Variants in RSPO2 observed in about 807,000 individuals in gnomAD.
RSPO2 encodes the protein R-spondin-2.
A neutral mutation model predicts 30.9 loss-of-function variants in RSPO2; 14 were observed. The ratio of observed to expected loss-of-function variants is 0.45; its 90% CI spans 0.30 to 0.71. The LOEUF (loss-of-function observed/expected upper bound fraction) is 0.71. RSPO2 is among the 30% of genes least tolerant of loss of function. The pLI, the probability that RSPO2 is intolerant of heterozygous loss-of-function variation, is 0.08. For synonymous variants in RSPO2, 107 were observed against 96.4 expected (o/e 1.11, Z -0.64); for missense variants, 264 against 301.9 (o/e 0.87, Z 0.93).
chr8:108,047,865 A>C (rs1811953125), intron 2 of RSPO2, among the ~76,000 whole-genome samples: 2 of 151,942 alleles, frequency 1.3e-5, no homozygotes. Context: ...AGAAAAAAAA[A>C]AAAAAGCAGC....
intron 2 of RSPO2, among the ~76,000 whole-genome samples, chr8:108,071,667 C>G (rs1297927210): frequency 6.6e-6 from 1 of 152,144 alleles, no homozygotes; most frequent in Non-Finnish European, 1.5e-5. Context: ...TATTCTCCCC[C>G]ACTTCCTCAT....
chr8:108,045,018 C>A (rs1811871344), intron 2 of RSPO2, among the ~76,000 whole-genome samples: 1 of 152,026 alleles, frequency 6.6e-6, no homozygotes, highest in African/African-American at 2.4e-5. Context: ...TCAGCCTTGG[C>A]AAAGAATTTA....
intron 2 of RSPO2, among the ~76,000 whole-genome samples, chr8:108,081,383 C>T (rs1257616772): frequency 6.6e-6 from 1 of 152,194 alleles, no homozygotes; most frequent in Non-Finnish European, 1.5e-5. Flanking sequence ...CATCACAGAT[C>T]GAGTGAGATG....
chr8:107,932,848 G>C (rs1279996613), intron 5 of RSPO2, among the ~76,000 whole-genome samples: 1 of 152,014 alleles, frequency 6.6e-6, no homozygotes, highest in Non-Finnish European at 1.5e-5. Flanking sequence ...TGGCCTGAGG[G>C]ATCAGCTGAA....
intron 3 of RSPO2, among the ~76,000 whole-genome samples, chr8:107,973,291 A>G (rs993686219): frequency 6.6e-6 from 1 of 151,614 alleles, no homozygotes; most frequent in South Asian, 2.1e-4. Context: ...TGGGGGGGGA[A>G]CTAGCCAAGG....
At chr8:107,944,264 A>G (rs750442135) in intron 5 of RSPO2, among the ~76,000 whole-genome samples, 1 of 152,216 alleles carries the variant, frequency 6.6e-6, no homozygotes, top group Non-Finnish European at 1.5e-5. Flanking sequence ...AGGAAAGATA[A>G]TAACTGCTGA....
rs1813242947 is a variant in RSPO2, at chr8:108,082,581, G to A, written c.58C>T (p.His20Tyr). Residue 20 changes from histidine to tyrosine, a missense_variant, in exon 2 of 6, where the codon CAC becomes TAC. His to Tyr is a moderately conservative substitution (Grantham distance 83). Coordinates refer to ENST00000276659, the MANE Select transcript of RSPO2 (RefSeq NM_178565.5). ...LIILNCMDYSHCQGNRWRRSK... is the reference protein window; with the variant it reads ...LIILNCMDYSYCQGNRWRRSK... The stretch of plus-strand genomic sequence containing the variant: ...CGTCTCCATCGGTTGCCTTGGCAGT[G>A]GCTGTAATCCATGCAGTTCAGAATG... The A allele has an allele frequency of 2.5e-6, 4 of 1,614,152 alleles. No homozygotes were observed. Among genetic ancestry groups the A allele is most frequent in the Non-Finnish European group, 3.4e-6 (4 of 1,180,002 alleles).
At chr8:107,983,421 C>A in intron 3 of RSPO2, 1 of 1,602,818 alleles carries the variant, frequency 6.2e-7, no homozygotes, top group South Asian at 1.1e-5. Context: ...AGGCATCTCA[C>A]AAACCCTCTG....
intron 5 of RSPO2, among the ~76,000 whole-genome samples, chr8:107,937,151 G>GT (rs149136012): frequency 0.053 from 5,700 of 107,662 alleles, 153 homozygotes; most frequent in Middle Eastern, 0.13. Flanking sequence ...TCCATCTTCA[G>GT]TTGTTTTTTT....
intron 5 of RSPO2, among the ~76,000 whole-genome samples, chr8:107,904,589 C>T (rs1308800429): frequency 1.3e-5 from 2 of 151,948 alleles, no homozygotes; most frequent in African/African-American, 2.4e-5. Flanking sequence ...CAATTATTAC[C>T]GTTTTTAAGG....
At chr8:108,017,913 A>G (rs891407754) in intron 2 of RSPO2, among the ~76,000 whole-genome samples, 3 of 152,330 alleles carry the variant, frequency 2.0e-5, no homozygotes, top group African/African-American at 7.2e-5. Flanking sequence ...AGCACTTAAC[A>G]TTACAATCTT....
Position 107,901,012 on chromosome 8 carries a change from G to A in RSPO2, c.*63C>T. On this transcript the variant is annotated 3_prime_UTR_variant, in exon 6 of 6. Coordinates refer to ENST00000276659, the MANE Select transcript of RSPO2 (RefSeq NM_178565.5). ...GGCTGCACACCAGTGTGCAGGAGTG[G>A]AGAGTAGCTTTGTGCACATTTGCAA... 1.3e-6 allele frequency: 2 copies of A among 1,565,176 alleles called. No homozygotes were observed. Among genetic ancestry groups the A allele is most frequent in the South Asian group, 2.3e-5 (2 of 87,006 alleles).
intron 2 of RSPO2, among the ~76,000 whole-genome samples, chr8:107,999,866 T>G (rs1030937998): frequency 6.6e-6 from 1 of 152,076 alleles, no homozygotes; most frequent in Non-Finnish European, 1.5e-5. Context: ...TTAAATACTC[T>G]CCAGTGCCAG....
At chr8:108,053,099 T>C (rs1443159256) in intron 2 of RSPO2, among the ~76,000 whole-genome samples, 4 of 152,134 alleles carry the variant, frequency 2.6e-5, no homozygotes, top group Non-Finnish European at 5.9e-5. Flanking sequence ...AGGTCTCAAC[T>C]GGGGGACTGA....
intron 5 of RSPO2, among the ~76,000 whole-genome samples, chr8:107,922,906 C>A (rs1307594140): frequency 6.6e-6 from 1 of 152,042 alleles, no homozygotes; most frequent in Non-Finnish European, 1.5e-5. Context: ...TGGACTCCTT[C>A]CTTACAGCAT....
At chr8:108,043,228 G>T (rs76976804) in intron 2 of RSPO2, among the ~76,000 whole-genome samples, 1 of 152,082 alleles carries the variant, frequency 6.6e-6, no homozygotes, top group African/African-American at 2.4e-5. Flanking sequence ...AATTTGTAGC[G>T]GGAAGTTTGT....
chr8:107,930,233 C>T (rs977211852), intron 5 of RSPO2, among the ~76,000 whole-genome samples: 1 of 152,102 alleles, frequency 6.6e-6, no homozygotes, highest in Non-Finnish European at 1.5e-5. Flanking sequence ...GTCACTTAAT[C>T]GCAAAGTTCA....
At chr8:108,082,975 G>A (rs1056349845) in intron 1 of RSPO2, 168 bp from the exon 2 acceptor site, 5 of 281,588 alleles carry the variant, frequency 1.8e-5, no homozygotes, top group Non-Finnish European at 3.3e-5. Context: ...AGCTGCGGAC[G>A]AGTTGGAGAG....
At chr8:108,068,532 G>A (rs1470473385) in intron 2 of RSPO2, among the ~76,000 whole-genome samples, 2 of 152,128 alleles carry the variant, frequency 1.3e-5, no homozygotes, top group African/African-American at 4.8e-5. Context: ...GATGCAAAGG[G>A]TATTTGTTAT....
Sources: allele counts gnomAD v4.1 joint callset (sites outside exome capture counted in the v4.1 genomes callset), GRCh38; gene constraint gnomAD v4.1.1; transcripts MANE v1.5; gene names NCBI Gene and HGNC (gene_info 2026-07-23, HGNC 2026-07-21).